The following DYNC2I1 variants were observed in gnomAD, a reference collection of about 807,000 sequenced individuals.
The protein encoded by DYNC2I1 is dynein 2 intermediate chain 1.
In DYNC2I1, 89 loss-of-function variants were observed where a neutral mutation model predicts 133.4. The observed-to-expected ratio is 0.67, with a 90% CI of 0.56 to 0.80. DYNC2I1 has a LOEUF of 0.80. Ranked by LOEUF, DYNC2I1 falls within the 30% of genes least tolerant of loss-of-function variation. The pLI, the probability that DYNC2I1 is intolerant of heterozygous loss-of-function variation, is 0.00. For missense variants in DYNC2I1, 1,291 were observed against 1,314.5 expected (o/e 0.98, Z 0.28); for synonymous variants, 504 against 484.3 (o/e 1.04, Z -0.54).
At chr7:158,952,322 T>C (rs1456098850) in intron 4 of DYNC2I1, among the ~76,000 whole-genome samples, 2 of 152,076 alleles carry the variant, frequency 1.3e-5, no homozygotes, top group African/African-American at 4.8e-5. Context: ...TCCCAGTGTG[T>C]CCCACGCAAG....
chr7:158,856,329 G>T (rs1049117061), upstream of DYNC2I1, among the ~76,000 whole-genome samples: 6 of 152,222 alleles, frequency 3.9e-5, no homozygotes, highest in Admixed American at 3.9e-4. Context: ...ACCCGGGGCG[G>T]GTTGGGGCGA....
chr7:158,849,622 GA>G, the DYNC2I1 span, among the ~76,000 whole-genome samples: 4 of 152,228 alleles, frequency 2.6e-5, no homozygotes, highest in Admixed American at 6.5e-5. Flanking sequence ...TTCTCACAGC[GA>G]GGAGGCCCTG....
chr7:158,944,772 A>C (rs1386659385), intron 24 of DYNC2I1, among the ~76,000 whole-genome samples: 1 of 152,190 alleles, frequency 6.6e-6, no homozygotes, highest in East Asian at 1.9e-4. Flanking sequence ...GTTGGATCTC[A>C]AAGGACAAGT....
chr7:158,930,637 G>GT (rs1055214859), intron 21 of DYNC2I1, 122 bp downstream of exon 21: 93 of 763,282 alleles, frequency 1.2e-4, no homozygotes, highest in Middle Eastern at 1.2e-3. Flanking sequence ...TTCTCACATT[G>GT]TTTTTTTACT....
Position 158,945,112 on chromosome 7 carries a change from T to A in DYNC2I1, c.3003-469T>A, listed in dbSNP as rs3793197. Among the ~76,000 whole-genome samples the A allele has an allele frequency of 9.7e-4, 147 of 151,632 alleles. 3 individuals carry two copies. The East Asian group carries it at 0.023, about 23-fold the overall frequency. ...CACAGGTCTCGTGTTGGGCACTGGG[T>A]GGATGATGGAGGTGCTGGTCCCATG... On this transcript the variant is annotated intron_variant, in intron 24 of 24. Transcript: ENST00000407559. The surrounding 1 kb of genome is among the most constrained non-coding windows in gnomAD (Gnocchi z 4.1).
chr7:158,953,554 C>T (rs1347142980), intron 4 of DYNC2I1, among the ~76,000 whole-genome samples: 6 of 152,048 alleles, frequency 3.9e-5, no homozygotes, highest in Non-Finnish European at 7.4e-5. Flanking sequence ...AGTTTGAGAC[C>T]AGTCTGGGAA....
intron 1 of DYNC2I1, among the ~76,000 whole-genome samples, chr7:158,868,040 C>A (rs565683599): frequency 1.3e-5 from 2 of 152,106 alleles, no homozygotes; most frequent in Admixed American, 6.5e-5. Flanking sequence ...GCCGAGGTTG[C>A]GCCACTGCAC....
At chr7:158,853,637 C>T (rs1416953565), upstream of DYNC2I1, among the ~76,000 whole-genome samples, 1 of 150,130 alleles carries the variant, frequency 6.7e-6, no homozygotes, top group African/African-American at 2.5e-5. Context: ...GCAGAGCCGG[C>T]TGTATGGGAG....
intron 4 of DYNC2I1, among the ~76,000 whole-genome samples, chr7:158,953,725 T>A (rs575940651): frequency 6.6e-6 from 1 of 152,120 alleles, no homozygotes; most frequent in Admixed American, 6.5e-5. Flanking sequence ...TGTGTATATA[T>A]ATGTTACATG....
intron 14 of DYNC2I1, 39 bp from the exon 15 acceptor site, chr7:158,918,701 T>G (rs1442745299): frequency 6.2e-7 from 1 of 1,601,142 alleles, no homozygotes; most frequent in East Asian, 2.2e-5. Flanking sequence ...TAATCCATTG[T>G]GAAGTTTTTA....
Position 158,911,467 on chromosome 7 carries a change from C to CT in DYNC2I1, c.1461-82dup, listed in dbSNP as rs1158312569. 7.5e-6 allele frequency: 11 copies of CT among 1,458,916 alleles called. 1 individual carries two copies. The highest frequency in any genetic ancestry group is 2.3e-5 in the Admixed American group (1 of 44,264). 90.4% of individuals were successfully genotyped at this position (1,458,916 alleles called of 1,614,324 possible). A position where few individuals can be genotyped will look rare whatever the true frequency, so the allele number is the denominator to read the frequency against. On this transcript the variant is annotated intron_variant, in intron 11 of 24. Coordinates refer to ENST00000407559, the MANE Select transcript of DYNC2I1 (RefSeq NM_018051.5). Reference sequence around the variant, plus strand: ...TTCTGACAATAACATGCATTTAACTCTAAGTTTACTTCTGTTCTCCCTACA... The same window carrying CT: ...TTCTGACAATAACATGCATTTAACTCTTAAGTTTACTTCTGTTCTCCCTACA...
At position 158,911,692 on chromosome 7, in the gene DYNC2I1, T is replaced by A; in HGVS notation, c.1590+13T>A. 6.2e-7 allele frequency: 1 copy of A among 1,600,570 alleles called. No individual in the cohort carries two copies. On this transcript the variant is annotated intron_variant, in intron 12 of 24. Coordinates refer to ENST00000407559, the MANE Select transcript of DYNC2I1 (RefSeq NM_018051.5). ...AAATACCAAGCAGGTAAGTATGAGATGTGTTAACTAAGTGATAAAATGCAA... is the reference window on the plus strand; with the variant it reads ...AAATACCAAGCAGGTAAGTATGAGAAGTGTTAACTAAGTGATAAAATGCAA...
chr7:158,900,178 A>G (rs1191605355), intron 8 of DYNC2I1, among the ~76,000 whole-genome samples: 1 of 150,370 alleles, frequency 6.7e-6, no homozygotes. Flanking sequence ...CTGGAGTGCA[A>G]TGGTGCGATC....
chr7:158,895,615 T>G (rs1305806010), intron 8 of DYNC2I1, among the ~76,000 whole-genome samples: 1 of 152,230 alleles, frequency 6.6e-6, no homozygotes, highest in Non-Finnish European at 1.5e-5. Context: ...GTGTTGACTA[T>G]TCTGGATCTT....
intron 4 of DYNC2I1, among the ~76,000 whole-genome samples, chr7:158,952,854 T>G (rs1347436884): frequency 6.6e-6 from 1 of 152,094 alleles, no homozygotes; most frequent in Non-Finnish European, 1.5e-5. Context: ...TCAGCACCCT[T>G]CAGGACCCAC....
chr7:158,939,348 A>G (rs1419135491), intron 23 of DYNC2I1, among the ~76,000 whole-genome samples: 3 of 152,134 alleles, frequency 2.0e-5, no homozygotes, highest in African/African-American at 7.2e-5. Context: ...TGGGAGGCTG[A>G]TGAGGGAAGG....
rs905733262 is a variant in DYNC2I1 at position 158,856,830 on chromosome 7, G to GCCCT, written c.15+85_15+88dup. ...GGGCGCCGCTAGCAGCGCCGCCGCC[G>GCCCT]CCCTCCCTTTGCGCAGCGGTTCTCT... On this transcript the variant is annotated intron_variant, in intron 1 of 24. Transcript: ENST00000407559. 5.8e-6 allele frequency: 7 copies of GCCCT among 1,212,700 alleles called. No homozygotes were observed. The African/African-American group carries it at 9.4e-5, about 16-fold the overall frequency. 75.1% of individuals were successfully genotyped at this position (1,212,700 alleles called of 1,614,324 possible). A position where few individuals can be genotyped will look rare whatever the true frequency, so the allele number is the denominator to read the frequency against.
intron 11 of DYNC2I1, among the ~76,000 whole-genome samples, chr7:158,908,421 C>T (rs1269971324): frequency 6.6e-6 from 1 of 152,100 alleles, no homozygotes; most frequent in Non-Finnish European, 1.5e-5. Context: ...GTACAATTGT[C>T]TGTAAATCTG....
intron 24 of DYNC2I1, among the ~76,000 whole-genome samples, chr7:158,943,852 C>T (rs896050836): frequency 6.6e-5 from 10 of 152,162 alleles, no homozygotes; most frequent in Admixed American, 4.6e-4. Context: ...CCCCTAACCC[C>T]TCAGCAGTGC....
Sources: gnomAD v4.1 joint callset for allele counts (sites outside exome capture counted in the v4.1 genomes callset) on GRCh38, gnomAD v4.1.1 for gene constraint, Gnocchi (gnomAD v3.1) non-coding constraint, MANE v1.5 for transcripts, NCBI Gene and HGNC (gene_info 2026-07-23, HGNC 2026-07-21) for gene names.